The following BLTP1 variants were observed in gnomAD, a reference collection of about 807,000 sequenced individuals.
BLTP1 encodes fragile site-associated protein.
At chr4:122,157,993 G>T in the BLTP1 span, among the ~76,000 whole-genome samples, 1 of 152,126 alleles carries the variant, frequency 6.6e-6, no homozygotes, top group Non-Finnish European at 1.5e-5. Context: ...CTGTGTATCA[G>T]GTGAGGGTTC....
the BLTP1 span, among the ~76,000 whole-genome samples, chr4:122,320,230 C>T: frequency 6.6e-6 from 1 of 151,996 alleles, no homozygotes; most frequent in Non-Finnish European, 1.5e-5. Context: ...CTCATTACAA[C>T]CTCAAATTCC....
At chr4:122,360,814 A>AAT in the BLTP1 span, among the ~76,000 whole-genome samples, 1 of 152,138 alleles carries the variant, frequency 6.6e-6, no homozygotes, top group African/African-American at 2.4e-5. Flanking sequence ...TGCAAATTTA[A>AAT]ATAATAATGT....
At chr4:122,174,636 G>A in the BLTP1 span, 3 of 1,600,362 alleles carry the variant, frequency 1.9e-6, no homozygotes, top group Non-Finnish European at 1.7e-6. Context: ...TTACATTACA[G>A]AAGACATGTC....
the BLTP1 span, among the ~76,000 whole-genome samples, chr4:122,202,870 A>G: frequency 6.6e-6 from 1 of 151,956 alleles, no homozygotes; most frequent in African/African-American, 2.4e-5. Flanking sequence ...TGCTTTCTCT[A>G]TTGAAATTCA....
the BLTP1 span, chr4:122,261,534 T>C: frequency 1.0e-6 from 1 of 983,652 alleles, no homozygotes; most frequent in African/African-American, 1.7e-5. Flanking sequence ...AATTCTGTAA[T>C]TTTTAATTTT....
At chr4:122,318,342 C>T in the BLTP1 span, 4 of 1,189,964 alleles carry the variant, frequency 3.4e-6, no homozygotes, top group Admixed American at 4.0e-5. Flanking sequence ...CTACTGCGTA[C>T]CAGGTACCAT....
the BLTP1 span, among the ~76,000 whole-genome samples, chr4:122,322,261 A>G: frequency 6.6e-6 from 1 of 151,298 alleles, no homozygotes. Flanking sequence ...TGCAGTTCCT[A>G]TTGATATATC....
the BLTP1 span, chr4:122,291,701 C>T: frequency 4.1e-6 from 4 of 973,080 alleles, no homozygotes; most frequent in African/African-American, 1.8e-5. Flanking sequence ...ATCTTAGAAG[C>T]ATATAAGGAG....
chr4:122,343,703 A>T, the BLTP1 span: 1 of 1,345,690 alleles, frequency 7.4e-7, no homozygotes, highest in Admixed American at 2.2e-5. Context: ...CATAGCCAAG[A>T]TCAGATGCTT....
At chr4:122,345,149 C>A in the BLTP1 span, 1 of 594,624 alleles carries the variant, frequency 1.7e-6, no homozygotes, top group Non-Finnish European at 2.1e-6. Flanking sequence ...ATATATTAAG[C>A]CTGTGTTTTA....
chr4:122,233,725 A>G, the BLTP1 span, among the ~76,000 whole-genome samples: 10 of 151,978 alleles, frequency 6.6e-5, no homozygotes, highest in African/African-American at 2.2e-4. Flanking sequence ...TAATGTCTCT[A>G]TGTTACTTTT....
chr4:122,236,825 G>C, the BLTP1 span: 1 of 985,326 alleles, frequency 1.0e-6, no homozygotes, highest in Non-Finnish European at 1.2e-6. Flanking sequence ...TTAGTAGTGA[G>C]TTGTAATTGC....
the BLTP1 span, chr4:122,250,537 C>T: frequency 1.2e-6 from 2 of 1,613,714 alleles, no homozygotes; most frequent in African/African-American, 1.3e-5. Flanking sequence ...CAAGCCCTTC[C>T]TCAGACTTAA....
chr4:122,192,239 G>T, the BLTP1 span: 1 of 1,612,034 alleles, frequency 6.2e-7, no homozygotes, highest in Non-Finnish European at 8.5e-7. Flanking sequence ...GACTTGTTCC[G>T]GAAGAAACAG....
chr4:122,299,157 G>A, the BLTP1 span: 18 of 984,554 alleles, frequency 1.8e-5, no homozygotes, highest in South Asian at 3.8e-4. Flanking sequence ...CAAACATCAT[G>A]TAGGAAGGAA....
At chr4:122,161,607 T>C in the BLTP1 span, among the ~76,000 whole-genome samples, 1 of 151,906 alleles carries the variant, frequency 6.6e-6, no homozygotes, top group African/African-American at 2.4e-5. Context: ...ATTTTTGTAT[T>C]TTTTTGTAGA....
the BLTP1 span, among the ~76,000 whole-genome samples, chr4:122,288,374 T>A: frequency 6.6e-6 from 1 of 152,204 alleles, no homozygotes; most frequent in Non-Finnish European, 1.5e-5. Context: ...ATTAAATATA[T>A]ATTTGATTAA....
the BLTP1 span, among the ~76,000 whole-genome samples, chr4:122,203,079 G>T: frequency 6.6e-6 from 1 of 151,836 alleles, no homozygotes; most frequent in African/African-American, 2.4e-5. Context: ...AACTACTAGA[G>T]AATAATATTA....
chr4:122,188,217 C>A, the BLTP1 span: 1 of 1,119,678 alleles, frequency 8.9e-7, no homozygotes, highest in Non-Finnish European at 1.2e-6. Flanking sequence ...TCTATTAAAG[C>A]AGTTAACAAT....
Sources: allele counts gnomAD v4.1 joint callset (sites outside exome capture counted in the v4.1 genomes callset), GRCh38; gene constraint gnomAD v4.1.1; transcripts MANE v1.5; gene names NCBI Gene and HGNC (gene_info 2026-07-23, HGNC 2026-07-21).